The following MMRN1 variants were observed in gnomAD, a reference collection of about 807,000 sequenced individuals.
The protein encoded by MMRN1 is multimerin 1, also known as multimerin-1.
Under a neutral mutation model 100.7 loss-of-function variants are expected in MMRN1, and 94 were observed. The ratio of observed to expected loss-of-function variants is 0.93; its 90% CI spans 0.79 to 1.11. The LOEUF (loss-of-function observed/expected upper bound fraction) is 1.11. MMRN1 is among the 50% of genes least tolerant of loss of function. The pLI is 0.00. For missense variants in MMRN1, 1,606 were observed against 1,439.1 expected, an observed-to-expected ratio of 1.12 and a Z score of -1.88; for synonymous variants, 575 against 505.0, an observed-to-expected ratio of 1.14 and a Z score of -1.86.
upstream of MMRN1, among the ~76,000 whole-genome samples, chr4:89,893,960 A>G (rs139585085): frequency 0.019 from 2,866 of 152,250 alleles, 101 homozygotes; most frequent in African/African-American, 0.064. Flanking sequence ...CCAGAAAAAA[A>G]CCCATAGAAA....
At position 89,895,017 on chromosome 4, in the gene MMRN1, G is replaced by A. The variant is rs1721143598; in HGVS notation, c.46G>A (p.Gly16Arg). 6 of 1,613,744 alleles carry A rather than the reference G, an allele frequency of 3.7e-6. No homozygotes were observed. Among genetic ancestry groups the A allele is most frequent in the Non-Finnish European group, 5.1e-6 (6 of 1,179,756 alleles). ...TGTCCTTCTTTCTAGTTTATGGAGTGGGGGCATTGGGCTTAACAACAGTAA... is the reference window on the plus strand; with the variant it reads ...TGTCCTTCTTTCTAGTTTATGGAGTAGGGGCATTGGGCTTAACAACAGTAA... Reference protein sequence around the residue: ...LFVLLSSLWSGGIGLNNSKHS... With the variant: ...LFVLLSSLWSRGIGLNNSKHS... The change falls in exon 1 of 8, where the codon GGG (glycine) becomes AGG (arginine). Residue 16 changes from glycine (G) to arginine (R), a missense_variant. Physicochemically the swap from Gly to Arg is moderately radical, Grantham distance 125 (BLOSUM62 -2). Transcript: ENST00000264790.
Position 89,935,540 on chromosome 4 carries a change from A to G in MMRN1, c.1860A>G (p.Thr620=), listed in dbSNP as rs780141225. 2 of 1,613,068 alleles carry G rather than the reference A, an allele frequency of 1.2e-6. No homozygotes were observed. Among genetic ancestry groups the G allele is most frequent in the Non-Finnish European group, 1.7e-6 (2 of 1,179,662 alleles). The change falls in exon 6 of 8, where the codon ACA becomes ACG. Residue 620 remains threonine (T), a synonymous_variant. Transcript: ENST00000264790. Reference sequence around the variant, plus strand: ...AGAATTTACATGTGTTAAATCAAACATTGGCTGAAGTTCTCTTTCCAATGG... The same window carrying G: ...AGAATTTACATGTGTTAAATCAAACGTTGGCTGAAGTTCTCTTTCCAATGG... The part of the protein sequence containing the change: ...TEENLHVLNQ[T]LAEVLFPMDN...
chr4:89,894,406 T>C (rs1039989015), upstream of MMRN1, among the ~76,000 whole-genome samples: 1 of 152,158 alleles, frequency 6.6e-6, no homozygotes, highest in African/African-American at 2.4e-5. Context: ...TATGAAAGGA[T>C]AGAGACACTG....
intron 6 of MMRN1, among the ~76,000 whole-genome samples, chr4:89,942,625 A>C (rs1722868854): frequency 6.6e-6 from 1 of 152,170 alleles, no homozygotes. Context: ...TATAAACCTA[A>C]TTTGAACTTT....
At chr4:89,891,250 CATTATATTT>C (rs1721047446), upstream of MMRN1, among the ~76,000 whole-genome samples, 1 of 151,920 alleles carries the variant, frequency 6.6e-6, no homozygotes, top group South Asian at 2.1e-4. Flanking sequence ...GGAACAAGTT[CATTATATTT>C]ATTTAGATTA....
intron 3 of MMRN1, among the ~76,000 whole-genome samples, chr4:89,920,182 T>A (rs898485327): frequency 2.0e-5 from 3 of 152,092 alleles, no homozygotes; most frequent in Non-Finnish European, 4.4e-5. Flanking sequence ...CATTATATAT[T>A]TGCCAACAGT....
At position 89,953,208 on chromosome 4, in the gene MMRN1, T is replaced by C. The variant is rs1382436943; in HGVS notation, c.3477T>C (p.Ser1159=). The C allele has an allele frequency of 2.5e-6, 4 of 1,613,894 alleles. No homozygotes were observed. Among genetic ancestry groups the C allele is most frequent in the Admixed American group, 1.7e-5 (1 of 59,986 alleles). The stretch of plus-strand genomic sequence containing the variant: ...TCGAGTCATTTAGTGCTCATATTTC[T>C]GGATTTTTAGTGGTTGATGGAATAG... ...YTIESFSAHI[S]GFLVVDGIDK... The change falls in exon 8 of 8, where the codon TCT becomes TCC. Residue 1159 remains serine, a synonymous_variant. Transcript: ENST00000264790.
At position 89,947,341 on chromosome 4, in the gene MMRN1, T is replaced by C. The variant is rs553218724; in HGVS notation, c.3119-4264T>C. Among the ~76,000 whole-genome samples, 5 of 152,276 alleles carry C rather than the reference T, an allele frequency of 3.3e-5. 1 individual carries two copies. In the South Asian group the frequency reaches 1.0e-3, roughly 32 times the overall value. ...TGTCTCTAGGATAACATGACAATGA[T>C]AGCATAGTGTCAAACTCTGTGACAT... On this transcript the variant is annotated intron_variant, in intron 6 of 7. Coordinates refer to ENST00000264790, the MANE Select transcript of MMRN1 (RefSeq NM_007351.3).
intron 3 of MMRN1, among the ~76,000 whole-genome samples, chr4:89,921,375 C>T (rs1284357028): frequency 1.3e-5 from 2 of 152,086 alleles, no homozygotes; most frequent in Non-Finnish European, 2.9e-5. Context: ...TAAAGGACCC[C>T]AGTCTGAGAA....
intron 3 of MMRN1, among the ~76,000 whole-genome samples, chr4:89,916,676 C>T (rs1026602421): frequency 2.6e-5 from 4 of 151,344 alleles, no homozygotes; most frequent in South Asian, 2.1e-4. Context: ...TTTTCAATTG[C>T]TTGTTTTTTT....
At chr4:89,904,808 C>A (rs949778100) in intron 1 of MMRN1, among the ~76,000 whole-genome samples, 1 of 151,656 alleles carries the variant, frequency 6.6e-6, no homozygotes, top group Non-Finnish European at 1.5e-5. Flanking sequence ...TATCTAAAAT[C>A]TGTTCTATTT....
chr4:89,931,898 C>A (rs556824545), intron 5 of MMRN1, among the ~76,000 whole-genome samples: 3 of 152,222 alleles, frequency 2.0e-5, no homozygotes, highest in Non-Finnish European at 4.4e-5. Flanking sequence ...TCACCCCGGC[C>A]CCTTCCAAAT....
chr4:89,910,907 A>G (rs1485630366), intron 2 of MMRN1, among the ~76,000 whole-genome samples: 3 of 151,352 alleles, frequency 2.0e-5, no homozygotes, highest in African/African-American at 7.3e-5. Flanking sequence ...TTACCCATGT[A>G]GGTGACTGTT....
chr4:89,901,413 G>A (rs1373735134), intron 1 of MMRN1, among the ~76,000 whole-genome samples: 1 of 151,656 alleles, frequency 6.6e-6, no homozygotes, highest in Non-Finnish European at 1.5e-5. Context: ...AAATTATTCT[G>A]AGTTTAATGA....
intron 1 of MMRN1, among the ~76,000 whole-genome samples, chr4:89,886,675 A>C (rs1720943400): frequency 6.6e-6 from 1 of 151,992 alleles, no homozygotes; most frequent in Admixed American, 6.6e-5. Flanking sequence ...TCTCCCTTTA[A>C]TTCTGTCCAT....
At position 89,935,049 on chromosome 4, in the gene MMRN1, G is replaced by A; in HGVS notation, c.1369G>A (p.Val457Met). Residue 457 changes from valine to methionine, a missense_variant, in exon 6 of 8, where the codon GTG (valine) becomes ATG (methionine). Val to Met is a conservative substitution (Grantham distance 21). Transcript: ENST00000264790. ...QENRPTLTDI[V>M]ELRNHIVNVR... ...GAATCGGCCCACTTTGACTGATATA[G>A]TGGAACTAAGGAATCACATTGTGAA... is the stretch of plus-strand genomic sequence containing the variant. 6.2e-7 allele frequency: 1 copy of A among 1,613,656 alleles called. No individual in the cohort carries two copies. Among genetic ancestry groups the A allele is most frequent in the South Asian group, 1.1e-5 (1 of 91,024 alleles).
chr4:89,934,829 T>C lies in MMRN1; in HGVS notation c.1149T>C (p.Ile383=). The change falls in exon 6 of 8, where the codon ATT becomes ATC. Residue 383 remains isoleucine (I), a synonymous_variant. Coordinates refer to ENST00000264790, the MANE Select transcript of MMRN1 (RefSeq NM_007351.3). ...SLLKGLKSKS[I]NVLIRDIVRE... is the part of the protein sequence containing the mutation. Reference sequence around the variant, plus strand: ...CTCTAGGTCTAAAATCCAAAAGCATTAATGTACTGATAAGAGACATAGTAA... The same window carrying C: ...CTCTAGGTCTAAAATCCAAAAGCATCAATGTACTGATAAGAGACATAGTAA... 3 of 1,522,986 alleles carry C rather than the reference T, an allele frequency of 2.0e-6. No homozygotes were observed. Among genetic ancestry groups the C allele is most frequent in the Non-Finnish European group, 2.6e-6 (3 of 1,135,104 alleles). The allele number at this position is 1,522,986 out of a possible 1,614,324, so 94.3% of individuals were successfully genotyped here. A position where few individuals can be genotyped will look rare whatever the true frequency, so the allele number is the denominator to read the frequency against.
At chr4:89,899,448 T>C (rs999925240) in intron 1 of MMRN1, among the ~76,000 whole-genome samples, 10 of 152,134 alleles carry the variant, frequency 6.6e-5, no homozygotes, top group African/African-American at 2.4e-4. Context: ...TCCTGCCTTA[T>C]GGAACCAACA....
chr4:89,909,343 G>A lies in MMRN1; in HGVS notation c.691G>A (p.Val231Ile). Residue 231 changes from valine (V) to isoleucine (I), a missense_variant, in exon 2 of 8, where the codon GTC becomes ATC. Val to Ile is a conservative substitution (Grantham distance 29). Transcript: ENST00000264790. ...GATATTGGACAACCAGGTCACTTAT[G>A]TCCCAGGTGGGAAAGGACCTTGTGG... ...TVILDNQVTY[V>I]PGGKGPCGWT... 1 of 1,610,046 alleles carries A rather than the reference G, an allele frequency of 6.2e-7. No homozygotes were observed.
Sources: gnomAD v4.1 joint callset for allele counts (sites outside exome capture counted in the v4.1 genomes callset) on GRCh38, gnomAD v4.1.1 for gene constraint, MANE v1.5 for transcripts, NCBI Gene and HGNC (gene_info 2026-07-23, HGNC 2026-07-21) for gene names.